Variants in FMNL2 observed in about 807,000 individuals in gnomAD.
The protein encoded by FMNL2 is formin like 2, also known as formin-like protein 2.
In FMNL2, 51 loss-of-function variants were observed where a neutral mutation model predicts 130.2. That is an observed-to-expected ratio of 0.39 (90% confidence interval 0.31 to 0.49). FMNL2 has a LOEUF of 0.49. FMNL2 is among the 20% of genes least tolerant of loss of function. The pLI is 0.85. For missense variants in FMNL2, 977 were observed against 1,316.2 expected (o/e 0.74, Z 3.99); for synonymous variants, 465 against 467.1 (o/e 1.00, Z 0.06).
intron 8 of FMNL2, among the ~76,000 whole-genome samples, chr2:152,580,017 A>C (rs1696693553): frequency 6.6e-6 from 1 of 152,212 alleles, no homozygotes; most frequent in African/African-American, 2.4e-5. Context: ...CTCTTTACTG[A>C]ATATTATTCT....
chr2:152,499,465 T>TG (rs567878953), intron 1 of FMNL2, among the ~76,000 whole-genome samples: 117 of 152,306 alleles, frequency 7.7e-4, no homozygotes, highest in Non-Finnish European at 4.9e-4. Context: ...AACATAGCTC[T>TG]GGAAGGTCTT....
rs1553869242 is a variant in FMNL2, at chr2:152,367,073, G to GTGTTT, written c.117+31354_117+31355insGTTTT. 1.7e-4 allele frequency among the ~76,000 whole-genome samples: 15 copies of GTGTTT among 88,182 alleles called. 5 individuals carry two copies. Among genetic ancestry groups the GTGTTT allele is most frequent in the South Asian group, 4.4e-4 (1 of 2,296 alleles). The allele number at this position is 88,182 out of a possible 152,430, so 57.9% of individuals were successfully genotyped here. ...CTACCCTGTTATTGTGTGTGTGTGT[G>GTGTTT]TTTGTTTTTTTTTTTTTTCCCAGAT... On this transcript the variant is annotated intron_variant, in intron 1 of 25. Transcript: ENST00000288670.
chr2:152,358,439 C>G (rs1463672596), intron 1 of FMNL2, among the ~76,000 whole-genome samples: 1 of 151,972 alleles, frequency 6.6e-6, no homozygotes, highest in African/African-American at 2.4e-5. Context: ...CACCTGAGGT[C>G]AGGAGTTTGA....
intron 1 of FMNL2, among the ~76,000 whole-genome samples, chr2:152,357,067 GTTTAATATATCACGATAAATATTACA>G (rs1385487115): frequency 6.9e-6 from 1 of 144,792 alleles, no homozygotes; most frequent in Non-Finnish European, 1.5e-5. Flanking sequence ...TATTACATAA[GTTTAATATATCACGATAAATATTACA>G]TAAGTTTAAT....
chr2:152,518,612 C>G (rs1207511469), intron 1 of FMNL2, among the ~76,000 whole-genome samples: 2 of 152,162 alleles, frequency 1.3e-5, no homozygotes, highest in Non-Finnish European at 2.9e-5. Context: ...ACGTGCCCCT[C>G]TTATTAACTG....
chr2:152,573,274 A>C (rs1355216355), intron 6 of FMNL2, among the ~76,000 whole-genome samples: 2 of 152,186 alleles, frequency 1.3e-5, no homozygotes, highest in Admixed American at 1.3e-4. Context: ...TCAGGGTGAG[A>C]AATGACACCT....
At chr2:152,447,469 G>A (rs1049166052) in intron 1 of FMNL2, among the ~76,000 whole-genome samples, 1 of 152,152 alleles carries the variant, frequency 6.6e-6, no homozygotes, top group Non-Finnish European at 1.5e-5. Flanking sequence ...TTGAAGTTGA[G>A]TATTTTAAAT....
rs775239988 is a variant in FMNL2 at position 152,625,453 on chromosome 2, A to C, written c.1853A>C (p.Lys618Thr). 6.8e-6 allele frequency: 11 copies of C among 1,608,324 alleles called. No individual in the cohort carries two copies. In the Admixed American group the frequency reaches 1.5e-4, roughly 22 times the overall value. The part of the protein sequence containing the change: ...NSGLAAVKIK[K>T]PIKTKFRMPV... ...ATGTCTTTAGCTGTGAAAATTAAGAAGCCAATCAAGACGAAGTTCAGAATG... is the reference window on the plus strand; with the variant it reads ...ATGTCTTTAGCTGTGAAAATTAAGACGCCAATCAAGACGAAGTTCAGAATG... The change falls in exon 16 of 26, where the codon AAG becomes ACG. Residue 618 changes from lysine to threonine, a missense_variant. Around this residue, in one of 4 missense-constraint regions of FMNL2, gnomAD observed 689 missense variants for 995.9 expected, o/e 0.69. Transcript: ENST00000288670.
At chr2:152,429,918 T>C (rs1181416497) in intron 1 of FMNL2, among the ~76,000 whole-genome samples, 3 of 152,184 alleles carry the variant, frequency 2.0e-5, no homozygotes, top group Admixed American at 6.5e-5. Context: ...TATATTGCAT[T>C]TACACATCTA....
At chr2:152,421,719 T>C (rs1686934079) in intron 1 of FMNL2, among the ~76,000 whole-genome samples, 1 of 152,176 alleles carries the variant, frequency 6.6e-6, no homozygotes, top group Non-Finnish European at 1.5e-5. Flanking sequence ...ACCCGGGAGC[T>C]CATTTCCTTT....
intron 2 of FMNL2, among the ~76,000 whole-genome samples, chr2:152,525,327 G>A (rs1173797923): frequency 6.6e-6 from 1 of 152,178 alleles, no homozygotes; most frequent in Non-Finnish European, 1.5e-5. Context: ...AGTGGAAGTG[G>A]TTAGTCAAAG....
chr2:152,559,462 C>G (rs1181730671), intron 5 of FMNL2, among the ~76,000 whole-genome samples: 1 of 152,138 alleles, frequency 6.6e-6, no homozygotes, highest in African/African-American at 2.4e-5. Flanking sequence ...CACCACCATG[C>G]CCGGCTAATT....
At position 152,648,394 on chromosome 2, in the gene FMNL2, T is replaced by C. The variant is rs543353023; in HGVS notation, c.*489T>C. 3.2e-5 allele frequency: 5 copies of C among 154,482 alleles called. No individual in the cohort carries two copies. The highest frequency in any genetic ancestry group is 9.6e-5 in the African/African-American group (4 of 41,562). 9.6% of individuals were successfully genotyped at this position (154,482 alleles called of 1,614,324 possible). A position where few individuals can be genotyped will look rare whatever the true frequency, so the allele number is the denominator to read the frequency against. ...CACATGATGAAACTCCTTTTGTCTA[T>C]AACCAGGCCCTGGCAAAGTGCAAAC... On this transcript the variant is annotated 3_prime_UTR_variant, in exon 26 of 26. Transcript: ENST00000288670.
chr2:152,648,603 G>C lies in FMNL2; in HGVS notation c.*698G>C, dbSNP rs185045831. The stretch of plus-strand genomic sequence containing the variant: ...AGCTAGAGGCAGCTTTTTAAATAAT[G>C]CAAGTGTATTTATTAGCATTAAAAT... On this transcript the variant is annotated 3_prime_UTR_variant, in exon 26 of 26. Transcript: ENST00000288670. 8 of 152,668 alleles carry C rather than the reference G, an allele frequency of 5.2e-5. No individual in the cohort carries two copies. In the East Asian group the frequency reaches 1.4e-3, roughly 26 times the overall value. 9.5% of individuals were successfully genotyped at this position (152,668 alleles called of 1,614,324 possible).
At chr2:152,628,183 T>C in intron 17 of FMNL2, 116 bp from the exon 18 acceptor site, 1 of 844,944 alleles carries the variant, frequency 1.2e-6, no homozygotes, top group South Asian at 1.6e-5. Context: ...TGATTTGGTG[T>C]TTGATGAGCT....
intron 2 of FMNL2, 42 bp from the exon 3 acceptor site, chr2:152,542,697 G>T (rs1694379453): frequency 6.3e-7 from 1 of 1,599,652 alleles, no homozygotes; most frequent in African/African-American, 1.3e-5. Context: ...CTGTGTCATG[G>T]CTTCATACCT....
chr2:152,545,230 A>G (rs542722059), intron 3 of FMNL2, among the ~76,000 whole-genome samples: 15 of 152,218 alleles, frequency 9.9e-5, no homozygotes, highest in African/African-American at 3.6e-4. Flanking sequence ...CATGGCTTGC[A>G]GTTAAAATGA....
chr2:152,489,984 A>T (rs1212882749), intron 1 of FMNL2, among the ~76,000 whole-genome samples: 1 of 152,238 alleles, frequency 6.6e-6, no homozygotes, highest in African/African-American at 2.4e-5. Context: ...TAAACCACAA[A>T]GAATAAAATG....
At position 152,629,702 on chromosome 2, in the gene FMNL2, A is replaced by C. The variant is rs546851829; in HGVS notation, c.2447A>C (p.Gln816Pro). ...GCATCTGTCTCTATAAAGTCGTCCC[A>C]AAAACTCAAGAAAATTCTGGAGGCA... ...IAASVSIKSS[Q>P]KLKKILEIIL... Residue 816 changes from glutamine (Q) to proline (P), a missense_variant, in exon 19 of 26, where the codon CAA becomes CCA. Coordinates refer to ENST00000288670, the MANE Select transcript of FMNL2 (RefSeq NM_052905.4). 1.2e-6 allele frequency: 2 copies of C among 1,603,728 alleles called. No individual in the cohort carries two copies. Among genetic ancestry groups the C allele is most frequent in the East Asian group, 2.2e-5 (1 of 44,652 alleles).
Sources: gnomAD v4.1 joint callset for allele counts (sites outside exome capture counted in the v4.1 genomes callset) on GRCh38, gnomAD v4.1.1 for gene constraint, gnomAD v4.1.1 regional missense constraint, MANE v1.5 for transcripts, NCBI Gene and HGNC (gene_info 2026-07-23, HGNC 2026-07-21) for gene names.